LRRC32: variants seen among roughly 807,000 people sequenced by gnomAD.
LRRC32 encodes the protein leucine rich repeat containing 32.
In LRRC32, 5 loss-of-function variants were observed where a neutral mutation model predicts 15.0. The ratio of observed to expected loss-of-function variants is 0.33; its 90% CI spans 0.17 to 0.70. The LOEUF (loss-of-function observed/expected upper bound fraction) is 0.70, where lower values mean the gene tolerates loss of function less well. LRRC32 is among the 30% of genes least tolerant of loss of function. The pLI is 0.66. For synonymous variants in LRRC32, 391 were observed against 403.9 expected, an observed-to-expected ratio of 0.97 and a Z score of 0.38; for missense variants, 803 against 854.2, an observed-to-expected ratio of 0.94 and a Z score of 0.75.
At chr11:76,666,332 G>A (rs1952626132) in intron 1 of LRRC32, among the ~76,000 whole-genome samples, 1 of 151,960 alleles carries the variant, frequency 6.6e-6, no homozygotes, top group East Asian at 1.9e-4. Flanking sequence ...AGGGACTGGG[G>A]GCATGGAGAT....
rs917687010 is a variant in LRRC32 at position 76,658,807 on chromosome 11, G to C, written c.*797C>G. ...GCGATGGAGAAGTGGGGCTGGGCAG[G>C]GACGGTGCTTAGAGCAGCACTGGGG... is the stretch of plus-strand genomic sequence containing the variant. On this transcript the variant is annotated 3_prime_UTR_variant, in exon 3 of 3. Transcript: ENST00000260061. 1.3e-5 allele frequency: 2 copies of C among 152,920 alleles called. No homozygotes were observed. The highest frequency in any genetic ancestry group is 4.8e-5 in the African/African-American group (2 of 41,440). 9.5% of individuals were successfully genotyped at this position (152,920 alleles called of 1,614,324 possible). A position where few individuals can be genotyped will look rare whatever the true frequency, so the allele number is the denominator to read the frequency against.
At position 76,660,215 on chromosome 11, in the gene LRRC32, C is replaced by T; in HGVS notation, c.1378G>A (p.Ala460Thr). 1 of 1,577,794 alleles carries T rather than the reference C, an allele frequency of 6.3e-7. No individual in the cohort carries two copies. The highest frequency in any genetic ancestry group is 1.4e-5 in the African/African-American group (1 of 73,668). Residue 460 changes from alanine to threonine, a missense_variant, in exon 3 of 3, where the codon GCA (alanine) becomes ACA (threonine). Transcript: ENST00000260061. ...LVDNEIELLR[A>T]GAFLHTPLTE... ...AGTGGGGTGTGGAGGAAGGCCCCTG[C>T]CCTGAGCAGCTCTATCTCATTATCC...
chr11:76,668,163 T>G lies in LRRC32; in HGVS notation c.-4-2205A>C, dbSNP rs190633875. 2.0e-5 allele frequency among the ~76,000 whole-genome samples: 3 copies of G among 150,592 alleles called. No homozygotes were observed. The East Asian group carries it at 5.9e-4, about 30-fold the overall frequency. Reference sequence around the variant, plus strand: ...CACTAGGAGTCTCGGTGACATGGGGTCGTTACTGAGAGCAGTTCTCCTTGG... The same window carrying G: ...CACTAGGAGTCTCGGTGACATGGGGGCGTTACTGAGAGCAGTTCTCCTTGG... On this transcript the variant is annotated intron_variant, in intron 1 of 2. Coordinates refer to ENST00000260061, the MANE Select transcript of LRRC32 (RefSeq NM_001128922.2).
intron 2 of LRRC32, among the ~76,000 whole-genome samples, chr11:76,661,833 C>A (rs1259808212): frequency 6.6e-6 from 1 of 152,136 alleles, no homozygotes; most frequent in Non-Finnish European, 1.5e-5. Context: ...TTATTATTAC[C>A]CCTCTTACAG....
At position 76,668,797 on chromosome 11, in the gene LRRC32, T is replaced by A. The variant is rs182706807; in HGVS notation, c.-5+1817A>T. ...ACAAGGAAGGGTCCTAGGCCCTTATTTCCCCTTCCTCTGCCAAACCCCACT... is the reference window on the plus strand; with the variant it reads ...ACAAGGAAGGGTCCTAGGCCCTTATATCCCCTTCCTCTGCCAAACCCCACT... On this transcript the variant is annotated intron_variant, in intron 1 of 2. Coordinates refer to ENST00000260061, the MANE Select transcript of LRRC32 (RefSeq NM_001128922.2). Among the ~76,000 whole-genome samples the A allele has an allele frequency of 2.0e-5, 3 of 152,186 alleles. No homozygotes were observed. In the East Asian group the frequency reaches 5.8e-4, roughly 29 times the overall value.
In LRRC32 at chr11:76,665,963, GT is replaced by G; in HGVS notation, c.-4-6del. 6.2e-7 allele frequency: 1 copy of G among 1,613,646 alleles called. No individual in the cohort carries two copies. The highest frequency in any genetic ancestry group is 8.5e-7 in the Non-Finnish European group (1 of 1,179,630). On this transcript the variant is annotated splice_polypyrimidine_tract_variant and splice_region_variant and intron_variant, in intron 1 of 2. Coordinates refer to ENST00000260061, the MANE Select transcript of LRRC32 (RefSeq NM_001128922.2). ...AGGATCTGGGGTCTCATGGCTCTGT[GT>G]AAGGCGGAGAGGAAAGGGGAACACT...
rs143082901 is a variant in LRRC32, at chr11:76,660,659, G to A, written c.934C>T (p.Arg312Cys). 709 of 1,614,090 alleles carry A rather than the reference G, an allele frequency of 4.4e-4. 2 individuals are homozygous for A. Among genetic ancestry groups the A allele is most frequent in the Non-Finnish European group, 5.8e-4 (679 of 1,180,000 alleles). Residue 312 changes from arginine (R) to cysteine (C), a missense_variant, in exon 3 of 3, where the codon CGC becomes TGC. Transcript: ENST00000260061. The part of the protein sequence containing the change: ...LSAPSGNASG[R>C]PLSQLLNLDL... ...AGATTCAAGAGCTGGGAAAGGGGGC[G>A]GCCGCTGGCATTCCCGCTGGGGGCT...
rs1324506403 is a variant in LRRC32 at position 76,660,954 on chromosome 11, G to A, written c.639C>T (p.Ser213=). ...CCCGCAGCTGCTGGAGGCTGAAGTC[G>A]GAGATGCAGGTGAGGGAATTCCTGG... ...NLSRNSLTCI[S]DFSLQQLRVL... Residue 213 remains serine, a synonymous_variant, in exon 3 of 3, where the codon TCC becomes TCT. Coordinates refer to ENST00000260061, the MANE Select transcript of LRRC32 (RefSeq NM_001128922.2). 7.4e-6 allele frequency: 12 copies of A among 1,614,070 alleles called. No homozygotes were observed. The highest frequency in any genetic ancestry group is 3.3e-5 in the South Asian group (3 of 91,090).
At chr11:76,670,502 G>A (rs919391323) in intron 1 of LRRC32, 112 bp downstream of exon 1, 6 of 152,264 alleles carry the variant, frequency 3.9e-5, no homozygotes, top group Admixed American at 6.5e-5. Context: ...TGGCGGGAGG[G>A]GAGTGTTTGG....
intron 1 of LRRC32, among the ~76,000 whole-genome samples, chr11:76,668,748 CT>C (rs996634523): frequency 6.6e-6 from 1 of 152,212 alleles, no homozygotes; most frequent in African/African-American, 2.4e-5. Flanking sequence ...CTGCAGTGGA[CT>C]GAGTGGTGAG....
chr11:76,659,758 T>C lies in LRRC32; in HGVS notation c.1835A>G (p.His612Arg). The C allele has an allele frequency of 6.2e-7, 1 of 1,614,230 alleles. No individual in the cohort carries two copies. The highest frequency in any genetic ancestry group is 1.7e-5 in the Admixed American group (1 of 60,030). Reference protein sequence around the residue: ...FSSQEEVSLSHVRPEDCEKGG... With the variant: ...FSSQEEVSLSRVRPEDCEKGG... ...CTTCTCACAGTCCTCGGGACGCACGTGGCTCAGGGACACCTCCTCCTGGGA... is the reference window on the plus strand; with the variant it reads ...CTTCTCACAGTCCTCGGGACGCACGCGGCTCAGGGACACCTCCTCCTGGGA... The change falls in exon 3 of 3, where the codon CAC (histidine) becomes CGC (arginine). Residue 612 changes from histidine to arginine, a missense_variant. Transcript: ENST00000260061.
rs781368495 is a variant in LRRC32 at position 76,661,458 on chromosome 11, C to T, written c.135G>A (p.Ser45=). The T allele has an allele frequency of 6.2e-6, 10 of 1,603,570 alleles. No individual in the cohort carries two copies. Among genetic ancestry groups the T allele is most frequent in the Admixed American group, 5.0e-5 (3 of 59,580 alleles). Residue 45 remains serine, a synonymous_variant, in exon 3 of 3, where the codon TCG becomes TCA. Transcript: ENST00000260061. Reference sequence around the variant, plus strand: ...GGGTCTCAGTGTCTGGCGGGAGCACCGAGGGGACCTGGAGCAGGCCCAGAA... The same window carrying T: ...GGGTCTCAGTGTCTGGCGGGAGCACTGAGGGGACCTGGAGCAGGCCCAGAA... The part of the protein sequence containing the change: ...CQVLGLLQVP[S]VLPPDTETLD...
intron 1 of LRRC32, among the ~76,000 whole-genome samples, chr11:76,668,907 G>A (rs540517867): frequency 1.3e-5 from 2 of 152,332 alleles, no homozygotes; most frequent in African/African-American, 4.8e-5. Context: ...TGACGGGAAG[G>A]GCCCCTCAGC....
In LRRC32 at chr11:76,660,161, C is replaced by A; in HGVS notation, c.1432G>T (p.Gly478Trp). 6.2e-7 allele frequency: 1 copy of A among 1,602,106 alleles called. No homozygotes were observed. Reference sequence around the variant, plus strand: ...AAGGCCCCCGTGGCCACCTCCAGCCCAGGATTGGAAGAAAGGTCCAGCTCA... The same window carrying A: ...AAGGCCCCCGTGGCCACCTCCAGCCAAGGATTGGAAGAAAGGTCCAGCTCA... Reference protein sequence around the residue: ...LTELDLSSNPGLEVATGALGG... With the variant: ...LTELDLSSNPWLEVATGALGG... The change falls in exon 3 of 3, where the codon GGG (glycine) becomes TGG (tryptophan). Residue 478 changes from glycine (G) to tryptophan (W), a missense_variant. Physicochemically the swap from Gly to Trp is radical, Grantham distance 184 (BLOSUM62 -2). Transcript: ENST00000260061.
intron 1 of LRRC32, among the ~76,000 whole-genome samples, chr11:76,670,387 G>A (rs945618334): frequency 6.6e-6 from 1 of 152,232 alleles, no homozygotes; most frequent in Non-Finnish European, 1.5e-5. Context: ...CAAATGGGAA[G>A]GCCGGCCTCA....
rs1952458213 is a variant in LRRC32 at position 76,658,908 on chromosome 11, G to A, written c.*696C>T. 1 of 153,568 alleles carries A rather than the reference G, an allele frequency of 6.5e-6. No homozygotes were observed. The highest frequency in any genetic ancestry group is 1.5e-5 in the Non-Finnish European group (1 of 68,806). 9.5% of individuals were successfully genotyped at this position (153,568 alleles called of 1,614,324 possible). A position where few individuals can be genotyped will look rare whatever the true frequency, so the allele number is the denominator to read the frequency against. On this transcript the variant is annotated 3_prime_UTR_variant, in exon 3 of 3. Coordinates refer to ENST00000260061, the MANE Select transcript of LRRC32 (RefSeq NM_001128922.2). ...CAGGAGACGGAATGGTCCAGTGCTG[G>A]GCTGGACCCCTTAACCAGACCCTGC...
At position 76,659,932 on chromosome 11, in the gene LRRC32, C is replaced by G; in HGVS notation, c.1661G>C (p.Ser554Thr). Reference sequence around the variant, plus strand: ...GCTGGTCTCCAGGCCACCCATGGCACTGCCTGGCAGGAGGCTGAAGCTGTT... The same window carrying G: ...GCTGGTCTCCAGGCCACCCATGGCAGTGCCTGGCAGGAGGCTGAAGCTGTT... Reference protein sequence around the residue: ...RNNSFSLLPGSAMGGLETSLR... With the variant: ...RNNSFSLLPGTAMGGLETSLR... The change falls in exon 3 of 3, where the codon AGT becomes ACT. Residue 554 changes from serine to threonine, a missense_variant. By Grantham distance (58) the Ser-to-Thr change is moderately conservative. Coordinates refer to ENST00000260061, the MANE Select transcript of LRRC32 (RefSeq NM_001128922.2). 2 of 1,613,898 alleles carry G rather than the reference C, an allele frequency of 1.2e-6. No homozygotes were observed. Among genetic ancestry groups the G allele is most frequent in the Non-Finnish European group, 1.7e-6 (2 of 1,180,002 alleles).
At chr11:76,665,527 T>C (rs577765440) in intron 2 of LRRC32, among the ~76,000 whole-genome samples, 2 of 152,114 alleles carry the variant, frequency 1.3e-5, no homozygotes, top group Non-Finnish European at 2.9e-5. Flanking sequence ...CACATATATA[T>C]ATATTCTAGA....
chr11:76,659,740 C>T lies in LRRC32; in HGVS notation c.1853G>A (p.Cys618Tyr), dbSNP rs779516993. Residue 618 changes from cysteine to tyrosine, a missense_variant, in exon 3 of 3, where the codon TGT becomes TAT. Physicochemically the swap from Cys to Tyr is radical, Grantham distance 194. Coordinates refer to ENST00000260061, the MANE Select transcript of LRRC32 (RefSeq NM_001128922.2). Reference protein sequence around the residue: ...VSLSHVRPEDCEKGGLKNINL... With the variant: ...VSLSHVRPEDYEKGGLKNINL... ...GATGTTCTTCAGTCCCCCCTTCTCA[C>T]AGTCCTCGGGACGCACGTGGCTCAG... 1 of 1,614,262 alleles carries T rather than the reference C, an allele frequency of 6.2e-7. No homozygotes were observed. The highest frequency in any genetic ancestry group is 1.1e-5 in the South Asian group (1 of 91,090).
Sources: allele counts gnomAD v4.1 joint callset (sites outside exome capture counted in the v4.1 genomes callset), GRCh38; gene constraint gnomAD v4.1.1; transcripts MANE v1.5; gene names NCBI Gene and HGNC (gene_info 2026-07-23, HGNC 2026-07-21).